The following NFATC3 variants were observed in gnomAD, a reference collection of about 807,000 sequenced individuals.
The protein encoded by NFATC3 is nuclear factor of activated T cells 3.
NFATC3 carries 46 observed loss-of-function variants against 98.6 expected under a neutral mutation model. The ratio of observed to expected loss-of-function variants is 0.47; its 90% confidence interval spans 0.37 to 0.60. NFATC3 has a LOEUF of 0.60. NFATC3 is among the 20% of genes least tolerant of loss of function. The pLI is 0.00. For synonymous variants in NFATC3, 512 were observed against 472.2 expected (o/e 1.08, Z -1.09); for missense variants, 1,256 against 1,295.5 (o/e 0.97, Z 0.47).
chr16:68,123,579 T>C (rs964411398), intron 2 of NFATC3, among the ~76,000 whole-genome samples: 1 of 151,878 alleles, frequency 6.6e-6, no homozygotes. Flanking sequence ...GGTGGAAGGA[T>C]TGCTTGAGCC....
intron 7 of NFATC3, among the ~76,000 whole-genome samples, chr16:68,182,671 A>G (rs2039999659): frequency 1.3e-5 from 2 of 151,588 alleles, no homozygotes; most frequent in African/African-American, 2.4e-5. Flanking sequence ...CAGGCGTGCA[A>G]TATCATGCCT....
intron 1 of NFATC3, among the ~76,000 whole-genome samples, chr16:68,110,067 C>T (rs564377179): frequency 7.2e-5 from 11 of 152,076 alleles, no homozygotes; most frequent in East Asian, 5.8e-4. Flanking sequence ...TGCAGTGATA[C>T]GATCTTGGCT....
At chr16:68,167,810 C>T (rs187110451) in intron 5 of NFATC3, among the ~76,000 whole-genome samples, 667 of 23,850 alleles carry the variant, frequency 0.028, 3 homozygotes, top group South Asian at 0.13. Context: ...CGTATGTGTT[C>T]TTTTTTTTTT....
intron 9 of NFATC3, among the ~76,000 whole-genome samples, chr16:68,217,458 C>T (rs2041679718): frequency 9.4e-6 from 1 of 106,732 alleles, no homozygotes; most frequent in Non-Finnish European, 1.8e-5. Flanking sequence ...GATCTAGTCT[C>T]TGTCTCAAAA....
intron 9 of NFATC3, chr16:68,217,991 T>A: frequency 8.4e-7 from 1 of 1,190,024 alleles, no homozygotes; most frequent in South Asian, 4.3e-5. Context: ...ATAGATACCT[T>A]CTAAATTTTC....
At chr16:68,118,556 T>C (rs1210851853) in intron 1 of NFATC3, among the ~76,000 whole-genome samples, 1 of 152,212 alleles carries the variant, frequency 6.6e-6, no homozygotes, top group East Asian at 1.9e-4. Flanking sequence ...TTTTTCTCCC[T>C]AATCCTAAAC....
At chr16:68,179,862 G>A (rs996014525) in intron 6 of NFATC3, among the ~76,000 whole-genome samples, 1 of 152,132 alleles carries the variant, frequency 6.6e-6, no homozygotes, top group Non-Finnish European at 1.5e-5. Context: ...TGTTCCAAAG[G>A]GCTGGGAGAA....
rs1477356697 is a variant in NFATC3 at position 68,226,541 on chromosome 16, C to G, written c.*70C>G. On this transcript the variant is annotated 3_prime_UTR_variant, in exon 10 of 10. Coordinates refer to ENST00000346183, the MANE Select transcript of NFATC3 (RefSeq NM_173165.3). ...GTTTCTCTCCTTGGACCTTGGGTTT[C>G]CAACTCTGCAGCCTTCAGGTCTGGG... 7.7e-6 allele frequency: 11 copies of G among 1,430,846 alleles called. No homozygotes were observed. Among genetic ancestry groups the G allele is most frequent in the Non-Finnish European group, 1.0e-5 (11 of 1,092,846 alleles). The allele number at this position is 1,430,846 out of a possible 1,614,324, so 88.6% of individuals were successfully genotyped here. A position where few individuals can be genotyped will look rare whatever the true frequency, so the allele number is the denominator to read the frequency against.
chr16:68,142,391 G>A (rs1270238270), intron 3 of NFATC3, among the ~76,000 whole-genome samples: 1 of 152,160 alleles, frequency 6.6e-6, no homozygotes, highest in Admixed American at 6.6e-5. Flanking sequence ...GTTGTTGTTG[G>A]TGGCGGTGTG....
intron 1 of NFATC3, among the ~76,000 whole-genome samples, chr16:68,095,292 C>T (rs1216464427): frequency 6.6e-6 from 1 of 151,638 alleles, no homozygotes; most frequent in Non-Finnish European, 1.5e-5. Flanking sequence ...GATGCCTCAG[C>T]CTCTCAAGTA....
rs1342695648 is a variant in NFATC3, at chr16:68,225,183, C to T, written c.3107-1167C>T. On this transcript the variant is annotated intron_variant, in intron 9 of 9. Transcript: ENST00000346183. ...GTCAGGCTGGTCTCAAACTCCCGAC[C>T]TCAGGTGATCCGCCTGCCTCAGCCT... 6 of 152,178 alleles carry T rather than the reference C, an allele frequency of 3.9e-5. No homozygotes were observed. The East Asian group carries it at 5.8e-4, about 15-fold the overall frequency. 9.4% of individuals were successfully genotyped at this position (152,178 alleles called of 1,614,324 possible). A position where few individuals can be genotyped will look rare whatever the true frequency, so the allele number is the denominator to read the frequency against.
At chr16:68,192,225 AAAAAAATATAT>A (rs1463704828) in intron 9 of NFATC3, 2 of 79,072 alleles carry the variant, frequency 2.5e-5, no homozygotes, top group African/African-American at 4.5e-5. Context: ...AAAAAAAAAA[AAAAAAATATAT>A]ATATATATAT....
At position 68,224,197 on chromosome 16, in the gene NFATC3, T is replaced by G. The variant is rs978950296; in HGVS notation, c.3107-2153T>G. ...CACCAGTATTGATTAATCTTCACTG[T>G]TTTGCAGAGTCCTTTGGCTTCAAGT... On this transcript the variant is annotated intron_variant, in intron 9 of 9. Coordinates refer to ENST00000346183, the MANE Select transcript of NFATC3 (RefSeq NM_173165.3). Among the ~76,000 whole-genome samples the G allele has an allele frequency of 2.0e-5, 3 of 151,656 alleles. No individual in the cohort carries two copies. In the South Asian group the frequency reaches 6.2e-4, roughly 32 times the overall value.
At chr16:68,177,050 T>C (rs1201089139) in intron 6 of NFATC3, among the ~76,000 whole-genome samples, 3 of 151,236 alleles carry the variant, frequency 2.0e-5, no homozygotes, top group Non-Finnish European at 4.4e-5. Flanking sequence ...TTTTTTTGTT[T>C]TTTTAATTTT....
At chr16:68,103,489 C>T (rs1159291637) in intron 1 of NFATC3, among the ~76,000 whole-genome samples, 1 of 152,236 alleles carries the variant, frequency 6.6e-6, no homozygotes, top group Admixed American at 6.5e-5. Context: ...GGATTACAGG[C>T]ATGAGCCACT....
intron 6 of NFATC3, among the ~76,000 whole-genome samples, chr16:68,176,168 G>A (rs2039692979): frequency 6.6e-6 from 1 of 151,958 alleles, no homozygotes; most frequent in Admixed American, 6.6e-5. Context: ...AGTAGAAATG[G>A]GGTTTCACCA....
At chr16:68,116,199 A>C (rs2036269514) in intron 1 of NFATC3, among the ~76,000 whole-genome samples, 1 of 152,038 alleles carries the variant, frequency 6.6e-6, no homozygotes. Flanking sequence ...ACAGTTAAAA[A>C]CAATTTTTTG....
intron 5 of NFATC3, among the ~76,000 whole-genome samples, chr16:68,170,291 T>G (rs2039397287): frequency 6.7e-6 from 1 of 148,674 alleles, no homozygotes. Flanking sequence ...CTTGGGAGGT[T>G]GAGGCAAAGG....
chr16:68,105,835 C>G (rs1349096890), intron 1 of NFATC3, among the ~76,000 whole-genome samples: 1 of 152,020 alleles, frequency 6.6e-6, no homozygotes, highest in African/African-American at 2.4e-5. Flanking sequence ...TTTGCTCATT[C>G]CTTCTAGATT....
Sources: gnomAD v4.1 joint callset for allele counts (sites outside exome capture counted in the v4.1 genomes callset) on GRCh38, gnomAD v4.1.1 for gene constraint, MANE v1.5 for transcripts, NCBI Gene and HGNC (gene_info 2026-07-23, HGNC 2026-07-21) for gene names.